SEMA3E: variants seen among roughly 807,000 people sequenced by gnomAD.
SEMA3E encodes semaphorin 3E.
In SEMA3E, 49 loss-of-function variants were observed where a neutral mutation model predicts 93.6. That is an observed-to-expected ratio of 0.52 (90% confidence interval 0.42 to 0.66). The LOEUF (loss-of-function observed/expected upper bound fraction) is 0.66. Ranked by LOEUF, SEMA3E falls within the 30% of genes least tolerant of loss-of-function variation. The pLI is 0.00. For synonymous variants in SEMA3E, 363 were observed against 330.7 expected (o/e 1.10, Z -1.06); for missense variants, 906 against 964.8 (o/e 0.94, Z 0.81).
intron 1 of SEMA3E, among the ~76,000 whole-genome samples, chr7:83,633,764 GA>G (rs1037264156): frequency 1.6e-4 from 24 of 149,032 alleles, no homozygotes; most frequent in East Asian, 3.9e-4. Flanking sequence ...TTGTTAAGAG[GA>G]AAAAAAAAAT....
At chr7:83,638,664 A>C (rs1038605445) in intron 1 of SEMA3E, among the ~76,000 whole-genome samples, 1 of 152,166 alleles carries the variant, frequency 6.6e-6, no homozygotes, top group African/African-American at 2.4e-5. Flanking sequence ...TGGACATTCA[A>C]CAACACCCTT....
intron 5 of SEMA3E, among the ~76,000 whole-genome samples, chr7:83,414,412 T>G (rs1229101066): frequency 2.0e-5 from 3 of 152,090 alleles, no homozygotes; most frequent in African/African-American, 7.2e-5. Context: ...GCATTCTAAC[T>G]CCCATTCATT....
intron 4 of SEMA3E, among the ~76,000 whole-genome samples, chr7:83,449,904 G>A (rs573409710): frequency 2.0e-4 from 31 of 152,180 alleles, no homozygotes; most frequent in Non-Finnish European, 3.8e-4. Context: ...GTATTGAATT[G>A]GATATTTTAT....
intron 1 of SEMA3E, among the ~76,000 whole-genome samples, chr7:83,511,531 T>C (rs1452770607): frequency 6.6e-6 from 1 of 152,074 alleles, no homozygotes; most frequent in African/African-American, 2.4e-5. Context: ...AAATCTCCAT[T>C]CAGAATTTGA....
chr7:83,500,095 T>A (rs1037030968), intron 1 of SEMA3E, among the ~76,000 whole-genome samples: 23 of 152,226 alleles, frequency 1.5e-4, no homozygotes, highest in Non-Finnish European at 1.0e-4. Flanking sequence ...AAGCCAAGAA[T>A]ATATATGAAC....
intron 1 of SEMA3E, among the ~76,000 whole-genome samples, chr7:83,519,057 G>C (rs919212351): frequency 1.3e-5 from 2 of 151,828 alleles, no homozygotes; most frequent in African/African-American, 4.8e-5. Flanking sequence ...TGCCATGCTG[G>C]TGTGCTGCAC....
chr7:83,428,141 C>T (rs996782325), intron 4 of SEMA3E, among the ~76,000 whole-genome samples: 3 of 152,198 alleles, frequency 2.0e-5, no homozygotes, highest in Non-Finnish European at 2.9e-5. Flanking sequence ...GGGATGCCCT[C>T]AGAACCCAGA....
intron 1 of SEMA3E, among the ~76,000 whole-genome samples, chr7:83,513,421 G>A (rs1001011023): frequency 3.3e-5 from 5 of 152,074 alleles, no homozygotes; most frequent in Non-Finnish European, 7.4e-5. Flanking sequence ...TTTTAAGTTA[G>A]AAACAACAAA....
At chr7:83,519,015 C>T (rs1260368349) in intron 1 of SEMA3E, among the ~76,000 whole-genome samples, 2 of 151,832 alleles carry the variant, frequency 1.3e-5, no homozygotes, top group Non-Finnish European at 2.9e-5. Context: ...TACATGTGCA[C>T]AATGTGCAGG....
chr7:83,614,952 C>T (rs1296338906), intron 1 of SEMA3E, among the ~76,000 whole-genome samples: 1 of 152,064 alleles, frequency 6.6e-6, no homozygotes, highest in African/African-American at 2.4e-5. Flanking sequence ...ATTTAAATAA[C>T]ATCCTATCCA....
chr7:83,593,820 G>A (rs2115956102), intron 1 of SEMA3E, among the ~76,000 whole-genome samples: 1 of 152,174 alleles, frequency 6.6e-6, no homozygotes, highest in African/African-American at 2.4e-5. Flanking sequence ...CTCAGTGCAA[G>A]AGCAGTGTAT....
chr7:83,439,429 G>A (rs1028839365), intron 4 of SEMA3E, among the ~76,000 whole-genome samples: 1 of 152,186 alleles, frequency 6.6e-6, no homozygotes. Flanking sequence ...GGAAAACTAA[G>A]GTTAATGGGC....
chr7:83,490,342 C>T lies in SEMA3E; in HGVS notation c.116-68G>A. On this transcript the variant is annotated intron_variant, in intron 1 of 16. Coordinates refer to ENST00000643230, the MANE Select transcript of SEMA3E (RefSeq NM_012431.3). Reference sequence around the variant, plus strand: ...GTAAATACCTTTATCACCCTTTTCTCATAGCTCTGTTTTCATCCCTATTGG... The same window carrying T: ...GTAAATACCTTTATCACCCTTTTCTTATAGCTCTGTTTTCATCCCTATTGG... 1.1e-5 allele frequency: 17 copies of T among 1,514,374 alleles called. No individual in the cohort carries two copies. The Middle Eastern group carries it at 2.0e-3, about 178-fold the overall frequency. 93.8% of individuals were successfully genotyped at this position (1,514,374 alleles called of 1,614,324 possible). A position where few individuals can be genotyped will look rare whatever the true frequency, so the allele number is the denominator to read the frequency against.
intron 16 of SEMA3E, among the ~76,000 whole-genome samples, chr7:83,373,355 G>A (rs535654976): frequency 6.6e-6 from 1 of 151,904 alleles, no homozygotes; most frequent in Non-Finnish European, 1.5e-5. Flanking sequence ...ATATTTGTTT[G>A]TTTATTTATC....
At position 83,595,683 on chromosome 7, in the gene SEMA3E, C is replaced by T. The variant is rs187130250; in HGVS notation, c.115+52745G>A. On this transcript the variant is annotated intron_variant, in intron 1 of 16. Transcript: ENST00000643230. ...AAGTCAGTTATTTTGTACAATGTTA[C>T]TCAGTTTGGGTTTCTCTGGTGTTTT... is the stretch of plus-strand genomic sequence containing the variant. Among the ~76,000 whole-genome samples, 916 of 151,866 alleles carry T rather than the reference C, an allele frequency of 6.0e-3. 26 individuals carry two copies. Among genetic ancestry groups the T allele is most frequent in the Admixed American group, 0.053 (799 of 15,210 alleles).
chr7:83,450,166 C>G (rs1423227337), intron 4 of SEMA3E, among the ~76,000 whole-genome samples: 1 of 152,184 alleles, frequency 6.6e-6, no homozygotes, highest in Non-Finnish European at 1.5e-5. Flanking sequence ...TTATACACCA[C>G]TTGTGGGCAT....
chr7:83,546,776 C>T (rs953071107), intron 1 of SEMA3E, among the ~76,000 whole-genome samples: 2 of 151,984 alleles, frequency 1.3e-5, no homozygotes, highest in African/African-American at 2.4e-5. Context: ...ACACAGTGCA[C>T]GTTCAAGTTA....
chr7:83,428,156 C>A (rs1267626078), intron 4 of SEMA3E, among the ~76,000 whole-genome samples: 2 of 152,202 alleles, frequency 1.3e-5, no homozygotes, highest in African/African-American at 4.8e-5. Context: ...CCCAGAATGT[C>A]TGTGGTAAGC....
chr7:83,618,214 G>A (rs1383539725), intron 1 of SEMA3E, among the ~76,000 whole-genome samples: 1 of 152,008 alleles, frequency 6.6e-6, no homozygotes, highest in East Asian at 1.9e-4. Flanking sequence ...AGTAGCTACT[G>A]TTTTACTTGT....
Sources: allele counts gnomAD v4.1 joint callset (sites outside exome capture counted in the v4.1 genomes callset), GRCh38; gene constraint gnomAD v4.1.1; transcripts MANE v1.5; gene names NCBI Gene and HGNC (gene_info 2026-07-23, HGNC 2026-07-21).